Variants in PPP3CB observed in about 807,000 individuals in gnomAD.
PPP3CB encodes protein phosphatase 3 catalytic subunit beta.
PPP3CB carries 8 observed loss-of-function variants against 66.4 expected under a neutral mutation model. The ratio of observed to expected loss-of-function variants is 0.12; its 90% CI spans 0.07 to 0.22. PPP3CB has a LOEUF of 0.22. Ranked by LOEUF, PPP3CB falls within the 10% of genes least tolerant of loss-of-function variation. The pLI, the probability that PPP3CB is intolerant of heterozygous loss-of-function variation, is 1.00. For synonymous variants in PPP3CB, 208 were observed against 221.2 expected (o/e 0.94, Z 0.53); for missense variants, 319 against 642.5 (o/e 0.50, Z 5.44).
intron 1 of PPP3CB, among the ~76,000 whole-genome samples, chr10:73,483,287 T>C (rs2056913375): frequency 1.3e-5 from 2 of 152,360 alleles, no homozygotes; most frequent in South Asian, 2.1e-4. Context: ...CACCTACTCA[T>C]GAGTAGAGGT....
intron 9 of PPP3CB, among the ~76,000 whole-genome samples, chr10:73,458,486 A>C (rs1245879544): frequency 6.6e-6 from 1 of 152,030 alleles, no homozygotes; most frequent in Non-Finnish European, 1.5e-5. Context: ...CCAATTATAA[A>C]ATAAGCAAAG....
At chr10:73,487,564 C>CAAAAAAAAAAAAAAAA (rs746889105) in intron 1 of PPP3CB, among the ~76,000 whole-genome samples, 2 of 65,218 alleles carry the variant, frequency 3.1e-5, no homozygotes, top group East Asian at 3.9e-4. Context: ...AAACCAAAAC[C>CAAAAAAAAAAAAAAAA]AAAAAAAAAA....
At chr10:73,492,020 A>G (rs2057086990) in intron 1 of PPP3CB, among the ~76,000 whole-genome samples, 1 of 152,144 alleles carries the variant, frequency 6.6e-6, no homozygotes, top group Non-Finnish European at 1.5e-5. Flanking sequence ...ATCCTCCTAA[A>G]GGAAAGCTAC....
At chr10:73,490,490 G>A (rs755142890) in intron 1 of PPP3CB, among the ~76,000 whole-genome samples, 1 of 152,134 alleles carries the variant, frequency 6.6e-6, no homozygotes, top group Admixed American at 6.5e-5. Context: ...ATACACAGAC[G>A]ATGCCCAATT....
Position 73,438,036 on chromosome 10 carries a change from T to C in PPP3CB, c.*206A>G. On this transcript the variant is annotated 3_prime_UTR_variant, in exon 14 of 14. Transcript: ENST00000360663. ...AGCCCCTTGCTCACTGCTCTCCACC[T>C]TGGCAGCGATGACCCAATCTTATCA... 1 of 477,092 alleles carries C rather than the reference T, an allele frequency of 2.1e-6. No homozygotes were observed. The allele number at this position is 477,092 out of a possible 1,614,324, so 29.6% of individuals were successfully genotyped here. A position where few individuals can be genotyped will look rare whatever the true frequency, so the allele number is the denominator to read the frequency against.
chr10:73,479,298 A>G lies in PPP3CB; in HGVS notation c.286+19T>C, dbSNP rs2056837446. 1.9e-6 allele frequency: 3 copies of G among 1,607,526 alleles called. No homozygotes were observed. The highest frequency in any genetic ancestry group is 2.6e-6 in the Non-Finnish European group (3 of 1,174,322). ...TAATGACATAATAAAAATAATACCC[A>G]AAACATGAATAAGCTTACCTGTGAT... On this transcript the variant is annotated intron_variant, in intron 2 of 13. Coordinates refer to ENST00000360663, the MANE Select transcript of PPP3CB (RefSeq NM_021132.4).
chr10:73,492,829 A>T (rs2057100064), intron 1 of PPP3CB, among the ~76,000 whole-genome samples: 1 of 152,202 alleles, frequency 6.6e-6, no homozygotes. Context: ...AATCACCTAC[A>T]GTATTCCAAG....
intron 9 of PPP3CB, among the ~76,000 whole-genome samples, chr10:73,460,547 A>C (rs1269603731): frequency 1.3e-5 from 2 of 152,248 alleles, no homozygotes; most frequent in African/African-American, 4.8e-5. Flanking sequence ...GGAAGAAAAC[A>C]GTAAGTAGAG....
chr10:73,457,955 CAA>C (rs1319058660), intron 9 of PPP3CB, among the ~76,000 whole-genome samples: 1 of 151,866 alleles, frequency 6.6e-6, no homozygotes, highest in African/African-American at 2.4e-5. Context: ...GAATGATAGA[CAA>C]AGGAGACTTG....
chr10:73,474,783 C>T, intron 4 of PPP3CB, 136 bp downstream of exon 4: 1 of 1,325,432 alleles, frequency 7.5e-7, no homozygotes, highest in Non-Finnish European at 9.9e-7. Context: ...TGCTCGACAA[C>T]TTTCCTCAAA....
At position 73,438,255 on chromosome 10, in the gene PPP3CB, T is replaced by C. The variant is rs564975960; in HGVS notation, c.1562A>G (p.His521Arg). Residue 521 changes from histidine to arginine, a missense_variant, in exon 14 of 14, where the codon CAT (histidine) becomes CGT (arginine). Physicochemically the swap from His to Arg is conservative, Grantham distance 29. This residue lies in a region of PPP3CB where 25 missense variants were observed against 26.4 expected (regional missense o/e 0.95). Coordinates refer to ENST00000360663, the MANE Select transcript of PPP3CB (RefSeq NM_021132.4). ...GGAAGTAGTGGGTCACTGGGCAGTA[T>C]GGTTGCCCGTCCCGTGGTTCTCAGT... ...HATENHGTGN[H>R]TAQ is the part of the protein sequence containing the mutation. 4 of 1,613,818 alleles carry C rather than the reference T, an allele frequency of 2.5e-6. No individual in the cohort carries two copies. In the South Asian group the frequency reaches 3.3e-5, roughly 13 times the overall value.
rs141571189 is a variant in PPP3CB at position 73,460,414 on chromosome 10, C to T, written c.1109-5925G>A. Among the ~76,000 whole-genome samples, 310 of 151,660 alleles carry T rather than the reference C, an allele frequency of 2.0e-3. 1 individual carries two copies. The highest frequency in any genetic ancestry group is 6.9e-3 in the African/African-American group (286 of 41,350). ...AATGTGAAGATATAGAGGACATAAA[C>T]GATAAAGCAAGTTTCCTGAAAAAGC... On this transcript the variant is annotated intron_variant, in intron 9 of 13. Coordinates refer to ENST00000360663, the MANE Select transcript of PPP3CB (RefSeq NM_021132.4).
At chr10:73,466,426 A>C (rs1396363703) in intron 9 of PPP3CB, among the ~76,000 whole-genome samples, 1 of 152,206 alleles carries the variant, frequency 6.6e-6, no homozygotes, top group Admixed American at 6.5e-5. Flanking sequence ...GTTGAGTTGC[A>C]GTCTAGCCTG....
At chr10:73,453,986 G>T (rs2056385121) in intron 10 of PPP3CB, among the ~76,000 whole-genome samples, 1 of 152,150 alleles carries the variant, frequency 6.6e-6, no homozygotes, top group Non-Finnish European at 1.5e-5. Context: ...CACTAATTTA[G>T]AAGCAGTCTA....
chr10:73,454,507 G>A lies in PPP3CB; in HGVS notation c.1109-18C>T. On this transcript the variant is annotated intron_variant, in intron 9 of 13. Coordinates refer to ENST00000360663, the MANE Select transcript of PPP3CB (RefSeq NM_021132.4). The stretch of plus-strand genomic sequence containing the variant: ...TTCTGTCACTATTTGGGAAAAAAAA[G>A]TTACATGTTAGCTGACCATATATAA... The A allele has an allele frequency of 6.4e-7, 1 of 1,572,166 alleles. No individual in the cohort carries two copies.
intron 12 of PPP3CB, among the ~76,000 whole-genome samples, chr10:73,443,559 C>CA (rs771225899): frequency 1.6e-4 from 25 of 152,240 alleles, no homozygotes; most frequent in Non-Finnish European, 2.5e-4. Context: ...AGAGGGCTGT[C>CA]AAAAGTGACT....
chr10:73,450,089 C>T (rs946072814), intron 10 of PPP3CB, among the ~76,000 whole-genome samples: 8 of 152,170 alleles, frequency 5.3e-5, no homozygotes, highest in Admixed American at 2.6e-4. Flanking sequence ...TGAGCCACCG[C>T]GCCCGGCCAT....
chr10:73,491,315 C>T (rs776284280), intron 1 of PPP3CB, among the ~76,000 whole-genome samples: 14 of 151,992 alleles, frequency 9.2e-5, no homozygotes, highest in Non-Finnish European at 1.8e-4. Context: ...AGGCGTGAGC[C>T]ACTGTGCCCA....
At chr10:73,485,243 T>G (rs962912981) in intron 1 of PPP3CB, among the ~76,000 whole-genome samples, 4 of 152,074 alleles carry the variant, frequency 2.6e-5, no homozygotes, top group African/African-American at 7.2e-5. Flanking sequence ...ACATTTAATG[T>G]ATGGTGGCTA....
Sources: allele counts gnomAD v4.1 joint callset (sites outside exome capture counted in the v4.1 genomes callset), GRCh38; gene constraint gnomAD v4.1.1; regional missense constraint gnomAD v4.1.1; transcripts MANE v1.5; gene names NCBI Gene and HGNC (gene_info 2026-07-23, HGNC 2026-07-21).